The following BEST1 variants were observed in gnomAD, a reference collection of about 807,000 sequenced individuals.
The protein encoded by BEST1 is bestrophin 1.
Under a neutral mutation model 63.3 loss-of-function variants are expected in BEST1, and 58 were observed. The ratio of observed to expected loss-of-function variants is 0.92; its 90% CI spans 0.74 to 1.14. The LOEUF (loss-of-function observed/expected upper bound fraction) is 1.14, where lower values mean the gene tolerates loss of function less well. Among genes scored for constraint, BEST1 ranks in the 50% most tolerant of loss-of-function variants. The probability of loss-of-function intolerance (pLI) is 0.00; values close to 1 mark genes in which losing one functional copy is unlikely to be tolerated. For synonymous variants in BEST1, 283 were observed against 291.6 expected (o/e 0.97, Z 0.30); for missense variants, 671 against 740.1 (o/e 0.91, Z 1.08).
chr11:61,956,072 G>T lies in BEST1; in HGVS notation c.481+121G>T. ...GGACTCGGGGGATTGGGTGGAGCCA[G>T]GAGTGGGGTGTAGTCAAGATTTGGG... On this transcript the variant is annotated intron_variant, in intron 4 of 10. Transcript: ENST00000378043. 6 of 1,028,658 alleles carry T rather than the reference G, an allele frequency of 5.8e-6. No individual in the cohort carries two copies. The South Asian group carries it at 9.5e-5, about 16-fold the overall frequency. The allele number at this position is 1,028,658 out of a possible 1,614,324, so 63.7% of individuals were successfully genotyped here.
rs1941917189 is a variant in BEST1 at position 61,960,172 on chromosome 11, T to C, written c.1100+129T>C. ...AGTGTCAGGCACTGTACTATGCTCT[T>C]TATAAACATTAACTATTTTTTTCCT... On this transcript the variant is annotated intron_variant, in intron 9 of 10. Coordinates refer to ENST00000378043, the MANE Select transcript of BEST1 (RefSeq NM_004183.4). 2.4e-6 allele frequency: 3 copies of C among 1,232,764 alleles called. No individual in the cohort carries two copies. In the South Asian group the frequency reaches 4.1e-5, roughly 17 times the overall value. 76.4% of individuals were successfully genotyped at this position (1,232,764 alleles called of 1,614,324 possible). A position where few individuals can be genotyped will look rare whatever the true frequency, so the allele number is the denominator to read the frequency against.
chr11:61,963,935 T>G, intron 10 of BEST1, 169 bp from the exon 11 acceptor site: 1 of 1,440,832 alleles, frequency 6.9e-7, no homozygotes, highest in Non-Finnish European at 9.2e-7. Flanking sequence ...GAGGTGGTGG[T>G]TGCAGTGAGA....
chr11:61,956,964 T>C lies in BEST1; in HGVS notation c.602T>C (p.Ile201Thr), dbSNP rs199529046. The change falls in exon 5 of 11, where the codon ATC becomes ACC. Residue 201 changes from isoleucine to threonine, a missense_variant. By Grantham distance (89) the Ile-to-Thr change is moderately conservative (BLOSUM62 -1). Coordinates refer to ENST00000378043, the MANE Select transcript of BEST1 (RefSeq NM_004183.4). ...ATGAAGGCGTGGCTTGGAGGTCGAATCCGGGACCCTATCCTGCTCCAGAGC... is the reference window on the plus strand; with the variant it reads ...ATGAAGGCGTGGCTTGGAGGTCGAACCCGGGACCCTATCCTGCTCCAGAGC... ...LSMKAWLGGRIRDPILLQSLL... is the reference protein window; with the variant it reads ...LSMKAWLGGRTRDPILLQSLL... 1.5e-4 allele frequency: 239 copies of C among 1,613,940 alleles called. No homozygotes were observed. Among genetic ancestry groups the C allele is most frequent in the Non-Finnish European group, 1.9e-4 (224 of 1,180,016 alleles).
chr11:61,962,388 C>T lies in BEST1; in HGVS notation c.1234C>T (p.Leu412=). ...TCCCAGGGCAAACTCAAGGACCAAA[C>T]TACTGTGGCCCAAGAGGGAATCCCT... is the stretch of plus-strand genomic sequence containing the variant. ...HPPRANSRTK[L]LWPKRESLLH... Residue 412 remains leucine, a synonymous_variant, in exon 10 of 11, where the codon CTA becomes TTA. Coordinates refer to ENST00000378043, the MANE Select transcript of BEST1 (RefSeq NM_004183.4). The T allele has an allele frequency of 6.2e-7, 1 of 1,614,204 alleles. No individual in the cohort carries two copies. The highest frequency in any genetic ancestry group is 1.1e-5 in the South Asian group (1 of 91,086).
intron 7 of BEST1, chr11:61,958,872 T>TAG (rs1941696095): frequency 3.9e-6 from 1 of 254,524 alleles, no homozygotes. Context: ...CCTGTCACTG[T>TAG]GACACACACA....
chr11:61,956,256 C>T (rs1441176289), intron 4 of BEST1, among the ~76,000 whole-genome samples: 1 of 152,074 alleles, frequency 6.6e-6, no homozygotes, highest in East Asian at 1.9e-4. Flanking sequence ...GGGTCTACTT[C>T]CCTCTGCCCT....
rs752324110 is a variant in BEST1 at position 61,962,722 on chromosome 11, T to G, written c.1568T>G (p.Leu523Trp). The change falls in exon 10 of 11, where the codon TTG becomes TGG. Residue 523 changes from leucine (L) to tryptophan (W), a missense_variant. By Grantham distance (61) the Leu-to-Trp change is moderately conservative. Coordinates refer to ENST00000378043, the MANE Select transcript of BEST1 (RefSeq NM_004183.4). The part of the protein sequence containing the change: ...FELLSESDGA[L>W]MEHPEVSQVR... ...TTGCTCTCAGAGAGCGATGGGGCCT[T>G]GATGGAGCACCCAGAAGTATCTCAA... The G allele has an allele frequency of 6.2e-7, 1 of 1,614,228 alleles. No homozygotes were observed. The highest frequency in any genetic ancestry group is 8.5e-7 in the Non-Finnish European group (1 of 1,180,044).
Position 61,963,966 on chromosome 11 carries a change from C to T in BEST1, c.1740-138C>T. The T allele has an allele frequency of 7.3e-6, 11 of 1,505,338 alleles. No homozygotes were observed. In the South Asian group the frequency reaches 1.4e-4, roughly 19 times the overall value. The allele number at this position is 1,505,338 out of a possible 1,614,324, so 93.2% of individuals were successfully genotyped here. A position where few individuals can be genotyped will look rare whatever the true frequency, so the allele number is the denominator to read the frequency against. On this transcript the variant is annotated intron_variant, in intron 10 of 10. Transcript: ENST00000378043. ...TGAGATTGAGCAACTGCAATCCAGC[C>T]TGGGCGACGGAGTGAGACTGTCTCA...
intron 1 of BEST1, among the ~76,000 whole-genome samples, chr11:61,951,231 G>T (rs898613676): frequency 1.4e-5 from 2 of 146,426 alleles, no homozygotes; most frequent in Admixed American, 1.3e-4. Context: ...TTTTTAGACA[G>T]AGTTTTGCTC....
chr11:61,964,004 AAAG>A, intron 10 of BEST1, 97 bp from the exon 11 acceptor site: 2 of 1,543,424 alleles, frequency 1.3e-6, no homozygotes, highest in South Asian at 1.2e-5. Flanking sequence ...AAAAAAAAAA[AAAG>A]GATCGTCTCA....
rs980929355 is a variant in BEST1 at position 61,962,528 on chromosome 11, G to A, written c.1374G>A (p.Leu458=). 3.7e-6 allele frequency: 6 copies of A among 1,614,184 alleles called. No homozygotes were observed. Among genetic ancestry groups the A allele is most frequent in the Non-Finnish European group, 5.1e-6 (6 of 1,180,034 alleles). Residue 458 remains leucine, a synonymous_variant, in exon 10 of 11, where the codon CTG becomes CTA. Transcript: ENST00000378043. ...KAVDAFKSAP[L]YQRPGYYSAP... is the part of the protein sequence containing the mutation. The stretch of plus-strand genomic sequence containing the variant: ...TGGACGCCTTCAAGTCTGCCCCACT[G>A]TATCAGAGGCCAGGCTACTACAGTG...
Position 61,955,304 on chromosome 11 carries a change from G to C in BEST1, c.247+103G>C, listed in dbSNP as rs564377076. ...GCTGCGGCAAGGGGCTGGGGAGGGG[G>C]CGGGGGAACGCCAGCGGCAGGTCGG... On this transcript the variant is annotated intron_variant, in intron 3 of 10. Transcript: ENST00000378043. The C allele has an allele frequency of 3.4e-5, 53 of 1,580,732 alleles. No individual in the cohort carries two copies. The Middle Eastern group carries it at 5.6e-4, about 17-fold the overall frequency.
Position 61,955,403 on chromosome 11 carries a change from G to A in BEST1, c.247+202G>A, listed in dbSNP as rs540594734. On this transcript the variant is annotated intron_variant, in intron 3 of 10. Coordinates refer to ENST00000378043, the MANE Select transcript of BEST1 (RefSeq NM_004183.4). ...TAGACGTTAGGTAAGACGTCCTGCC[G>A]TTAGCAATGAAAACCCCATTTTCTG... The A allele has an allele frequency of 4.3e-5, 62 of 1,442,476 alleles. No homozygotes were observed. The South Asian group carries it at 7.6e-4, about 18-fold the overall frequency. 89.4% of individuals were successfully genotyped at this position (1,442,476 alleles called of 1,614,324 possible).
chr11:61,959,976 C>A lies in BEST1; in HGVS notation c.1033C>A (p.Pro345Thr), dbSNP rs1045042331. ...GTACTGGAATAAGCCCGAGCCACAG[C>A]CCCCCTACACAGCTGCTTCCGCCCA... is the stretch of plus-strand genomic sequence containing the variant. ...DMYWNKPEPQ[P>T]PYTAASAQFR... The change falls in exon 9 of 11, where the codon CCC becomes ACC. Residue 345 changes from proline to threonine, a missense_variant. Coordinates refer to ENST00000378043, the MANE Select transcript of BEST1 (RefSeq NM_004183.4). 6.2e-7 allele frequency: 1 copy of A among 1,612,396 alleles called. No homozygotes were observed. The highest frequency in any genetic ancestry group is 8.5e-7 in the Non-Finnish European group (1 of 1,179,362).
chr11:61,962,366 C>T lies in BEST1; in HGVS notation c.1212C>T (p.Pro404=), dbSNP rs765611891. 1.5e-5 allele frequency: 25 copies of T among 1,614,052 alleles called. 1 individual carries two copies. The Middle Eastern group carries it at 4.9e-4, about 32-fold the overall frequency. Residue 404 remains proline, a synonymous_variant, in exon 10 of 11, where the codon CCC becomes CCT. Transcript: ENST00000378043. The stretch of plus-strand genomic sequence containing the variant: ...TGCAGTCCCATGATCACCATCCTCC[C>T]AGGGCAAACTCAAGGACCAAACTAC... ...LGLQSHDHHP[P]RANSRTKLLW... is the part of the protein sequence containing the mutation.
In BEST1 at chr11:61,958,465, CAGG is replaced by C. The variant is rs1941644202; in HGVS notation, c.867+170_867+172del. ...ATCCCAGCTACTCGGGAGGCTGAGG[CAGG>C]AGAATCGCTTGAACCCGGGAGGCGG... On this transcript the variant is annotated intron_variant, in intron 7 of 10. Coordinates refer to ENST00000378043, the MANE Select transcript of BEST1 (RefSeq NM_004183.4). The C allele has an allele frequency of 2.6e-6, 4 of 1,529,950 alleles. No individual in the cohort carries two copies. In the East Asian group the frequency reaches 9.8e-5, roughly 37 times the overall value. 94.8% of individuals were successfully genotyped at this position (1,529,950 alleles called of 1,614,324 possible). A position where few individuals can be genotyped will look rare whatever the true frequency, so the allele number is the denominator to read the frequency against.
rs750843363 is a variant in BEST1, at chr11:61,964,141, T to C, written c.*19T>C. 1.9e-6 allele frequency: 3 copies of C among 1,613,848 alleles called. No homozygotes were observed. Among genetic ancestry groups the C allele is most frequent in the African/African-American group, 1.3e-5 (1 of 74,940 alleles). On this transcript the variant is annotated 3_prime_UTR_variant, in exon 11 of 11. Transcript: ENST00000378043. The stretch of plus-strand genomic sequence containing the variant: ...TTCCTAACCTGCTTCCTAATGGGGA[T>C]GCTTCGCCAGCCAGGTCCTCACCTG...
intron 2 of BEST1, among the ~76,000 whole-genome samples, chr11:61,954,178 G>T (rs1941020591): frequency 6.6e-6 from 1 of 152,102 alleles, no homozygotes; most frequent in African/African-American, 2.4e-5. Context: ...GCAAAATTGA[G>T]CAGAAGGTAG....
chr11:61,963,246 G>C, intron 10 of BEST1: 8 of 1,382,458 alleles, frequency 5.8e-6, no homozygotes, highest in Non-Finnish European at 7.5e-6. Flanking sequence ...CTTACTTTGA[G>C]CAAGGGTGGC....
Sources: allele counts gnomAD v4.1 joint callset (sites outside exome capture counted in the v4.1 genomes callset), GRCh38; gene constraint gnomAD v4.1.1; transcripts MANE v1.5; gene names NCBI Gene and HGNC (gene_info 2026-07-23, HGNC 2026-07-21).